Variants in PTBP3 observed in about 807,000 individuals in gnomAD.
PTBP3 encodes the protein polypyrimidine tract binding protein 3.
PTBP3 carries 20 observed loss-of-function variants against 58.7 expected under a neutral mutation model. The observed-to-expected ratio is 0.34, with a 90% CI of 0.24 to 0.50. The LOEUF is 0.50. PTBP3 is among the 20% of genes least tolerant of loss of function. PTBP3 has a pLI of 0.98. For missense variants in PTBP3, 509 were observed against 637.2 expected (o/e 0.80, Z 2.17); for synonymous variants, 185 against 219.8 (o/e 0.84, Z 1.40).
chr9:112,375,153 C>T, the PTBP3 span, among the ~76,000 whole-genome samples: 1 of 152,198 alleles, frequency 6.6e-6, no homozygotes, highest in Admixed American at 6.5e-5. Context: ...TTATTAAAAT[C>T]CTCCTCTGCT....
intron 7 of PTBP3, among the ~76,000 whole-genome samples, chr9:112,245,964 C>A (rs1266448718): frequency 6.6e-6 from 1 of 152,056 alleles, no homozygotes; most frequent in Non-Finnish European, 1.5e-5. Flanking sequence ...CAGGTGTGAG[C>A]CACTGTGCTC....
At chr9:112,278,010 AACCTAAACAGGCACCAAAT>A (rs750464293) in intron 2 of PTBP3, among the ~76,000 whole-genome samples, 16 of 152,192 alleles carry the variant, frequency 1.1e-4, no homozygotes, top group South Asian at 8.3e-4. Context: ...CTGCTCCAAA[AACCTAAACAGGCACCAAAT>A]ACCTAAACAG....
chr9:112,289,748 T>G (rs1478227773), intron 2 of PTBP3, among the ~76,000 whole-genome samples: 1 of 151,926 alleles, frequency 6.6e-6, no homozygotes, highest in Non-Finnish European at 1.5e-5. Context: ...CGTGATTATG[T>G]GATTACATCT....
rs1310388866 is a variant in PTBP3, at chr9:112,332,663, C to T, written c.-52+807G>A. ...CAAGTCCCACCCCATATCCCTGAGT[C>T]CCCAGAGAACAGTTTATATACATAG... On this transcript the variant is annotated intron_variant, in intron 1 of 13. Transcript: ENST00000374257. 27 of 1,202,028 alleles carry T rather than the reference C, an allele frequency of 2.2e-5. No individual in the cohort carries two copies. In the East Asian group the frequency reaches 7.3e-4, roughly 33 times the overall value. 74.5% of individuals were successfully genotyped at this position (1,202,028 alleles called of 1,614,324 possible).
intron 1 of PTBP3, chr9:112,333,171 T>C (rs1830450513): frequency 2.6e-6 from 3 of 1,167,406 alleles, no homozygotes; most frequent in Non-Finnish European, 3.3e-6. Context: ...AGGGCGGACC[T>C]CGGCACCGCG....
chr9:112,376,745 T>G, the PTBP3 span, among the ~76,000 whole-genome samples: 1 of 152,254 alleles, frequency 6.6e-6, no homozygotes, highest in African/African-American at 2.4e-5. Flanking sequence ...TTTTTCTGCC[T>G]GTCTTATATT....
intron 1 of PTBP3, among the ~76,000 whole-genome samples, chr9:112,304,457 T>C (rs750287881): frequency 6.6e-6 from 1 of 152,264 alleles, no homozygotes; most frequent in Non-Finnish European, 1.5e-5. Flanking sequence ...TTCATTTTGA[T>C]AAATCATTCA....
intron 1 of PTBP3, among the ~76,000 whole-genome samples, chr9:112,325,273 G>A (rs1467863601): frequency 2.6e-5 from 4 of 152,178 alleles, no homozygotes; most frequent in African/African-American, 9.7e-5. Context: ...CTTAACATAT[G>A]TGCAGTAAGG....
chr9:112,349,095 T>C, the PTBP3 span, among the ~76,000 whole-genome samples: 1 of 152,180 alleles, frequency 6.6e-6, no homozygotes, highest in South Asian at 2.1e-4. Flanking sequence ...TCATAACCTC[T>C]GGGTTTATGC....
intron 7 of PTBP3, among the ~76,000 whole-genome samples, chr9:112,247,936 A>G (rs1835952679): frequency 6.6e-6 from 1 of 152,172 alleles, no homozygotes; most frequent in South Asian, 2.1e-4. Flanking sequence ...TATATATTAT[A>G]TATGTATATA....
At chr9:112,246,293 T>C (rs1253855353) in intron 7 of PTBP3, among the ~76,000 whole-genome samples, 1 of 151,682 alleles carries the variant, frequency 6.6e-6, no homozygotes, top group African/African-American at 2.4e-5. Flanking sequence ...AAGAAAAACA[T>C]TCTTTATAAT....
At chr9:112,228,339 G>GC in intron 11 of PTBP3, 41 bp downstream of exon 11, 1 of 1,421,580 alleles carries the variant, frequency 7.0e-7, no homozygotes, top group Non-Finnish European at 9.6e-7. Flanking sequence ...CACAAAAGGG[G>GC]CAAGTTCACA....
rs1160687338 is a variant in PTBP3, at chr9:112,263,766, G to A, written c.352-1167C>T. Reference sequence around the variant, plus strand: ...TGATAACTTGCTGATGTTGACTGTTGTATTCTGGTTGATAGAAGAATGTTC... The same window carrying A: ...TGATAACTTGCTGATGTTGACTGTTATATTCTGGTTGATAGAAGAATGTTC... On this transcript the variant is annotated intron_variant, in intron 4 of 13. Coordinates refer to ENST00000374257, the MANE Select transcript of PTBP3 (RefSeq NM_001163788.4). Among the ~76,000 whole-genome samples, 4 of 152,186 alleles carry A rather than the reference G, an allele frequency of 2.6e-5. No homozygotes were observed. The East Asian group carries it at 7.7e-4, about 29-fold the overall frequency.
intron 2 of PTBP3, among the ~76,000 whole-genome samples, chr9:112,277,465 ACCC>A (rs1827656692): frequency 2.6e-5 from 4 of 151,814 alleles, no homozygotes; most frequent in African/African-American, 4.8e-5. Flanking sequence ...CACCAACCTC[ACCC>A]TGATCTTGCC....
Position 112,276,000 on chromosome 9 carries a change from G to A in PTBP3, c.48C>T (p.Asp16=). The change falls in exon 3 of 14, where the codon GAC becomes GAT. Residue 16 remains aspartate (D), a synonymous_variant. Coordinates refer to ENST00000374257, the MANE Select transcript of PTBP3 (RefSeq NM_001163788.4). ...GTCTATCTCGTTTAAATTTCTTGCT[G>A]TCATTCCCATTAGCTAAAAAACATA... The part of the protein sequence containing the change: ...PSTGVYANGN[D]SKKFKRDRPP... 1 of 1,611,956 alleles carries A rather than the reference G, an allele frequency of 6.2e-7. No homozygotes were observed.
At chr9:112,351,658 T>A in the PTBP3 span, among the ~76,000 whole-genome samples, 1 of 152,332 alleles carries the variant, frequency 6.6e-6, no homozygotes, top group Non-Finnish European at 1.5e-5. Flanking sequence ...TACTTATATG[T>A]TCAATCATTT....
chr9:112,251,122 G>A lies in PTBP3; in HGVS notation c.628-19C>T. 1 of 1,525,016 alleles carries A rather than the reference G, an allele frequency of 6.6e-7. No individual in the cohort carries two copies. The highest frequency in any genetic ancestry group is 8.8e-7 in the Non-Finnish European group (1 of 1,135,042). The allele number at this position is 1,525,016 out of a possible 1,614,324, so 94.5% of individuals were successfully genotyped here. On this transcript the variant is annotated intron_variant, in intron 6 of 13. Coordinates refer to ENST00000374257, the MANE Select transcript of PTBP3 (RefSeq NM_001163788.4). ...CCAGAGCCTAAAGCATGTAAGAAAG[G>A]GACTGGTTTTGGCAAGACAACAACA...
chr9:112,301,313 A>C (rs896375090), intron 1 of PTBP3, among the ~76,000 whole-genome samples: 1 of 152,164 alleles, frequency 6.6e-6, no homozygotes, highest in Non-Finnish European at 1.5e-5. Context: ...ACTACCACTT[A>C]ACTATCAGAA....
chr9:112,306,586 G>GTATATATATA (rs569038891), intron 1 of PTBP3, among the ~76,000 whole-genome samples: 5 of 114,552 alleles, frequency 4.4e-5, no homozygotes, highest in Middle Eastern at 4.3e-3. Context: ...ATTTAAATTT[G>GTATATATATA]TATATATATA....
Sources: gnomAD v4.1 joint callset for allele counts (sites outside exome capture counted in the v4.1 genomes callset) on GRCh38, gnomAD v4.1.1 for gene constraint, MANE v1.5 for transcripts, NCBI Gene and HGNC (gene_info 2026-07-23, HGNC 2026-07-21) for gene names.